ATP2C1: variants seen among roughly 807,000 people sequenced by gnomAD.
ATP2C1 encodes the protein ATPase secretory pathway Ca2+ transporting 1, also known as calcium-transporting ATPase type 2C member 1.
In ATP2C1, 31 loss-of-function variants were observed where a neutral mutation model predicts 120.5. The ratio of observed to expected loss-of-function variants is 0.26; its 90% confidence interval spans 0.19 to 0.35. The LOEUF is 0.35. Ranked by LOEUF, ATP2C1 falls within the 10% of genes least tolerant of loss-of-function variation. ATP2C1 has a pLI of 1.00. For synonymous variants in ATP2C1, 351 were observed against 358.7 expected (o/e 0.98, Z 0.24); for missense variants, 731 against 1,107.5 (o/e 0.66, Z 4.83).
At chr3:130,855,364 A>G (rs2067802790) in intron 1 of ATP2C1, among the ~76,000 whole-genome samples, 1 of 152,220 alleles carries the variant, frequency 6.6e-6, no homozygotes, top group Non-Finnish European at 1.5e-5. Context: ...AATTGAATGG[A>G]AAAAGGGGAC....
At chr3:131,006,219 C>G (rs1337758460), downstream of ATP2C1, among the ~76,000 whole-genome samples, 1 of 152,208 alleles carries the variant, frequency 6.6e-6, no homozygotes, top group Non-Finnish European at 1.5e-5. Context: ...TCAAGTGATT[C>G]TCCTGCCTCA....
Position 130,934,728 on chromosome 3 carries a change from A to G in ATP2C1, c.324+17A>G, listed in dbSNP as rs202243057. 9,861 of 1,517,710 alleles carry G rather than the reference A, an allele frequency of 6.5e-3. 158 individuals are homozygous for G. The highest frequency in any genetic ancestry group is 0.043 in the South Asian group (3,868 of 88,948). 94.0% of individuals were successfully genotyped at this position (1,517,710 alleles called of 1,614,324 possible). The stretch of plus-strand genomic sequence containing the variant: ...ATCACTGTGGTAAGAAAAAAATTAC[A>G]TATTTTTAATCTGTTGAGTAAGTGT... On this transcript the variant is annotated intron_variant, in intron 5 of 27. Coordinates refer to ENST00000510168, the MANE Select transcript of ATP2C1 (RefSeq NM_001378687.1).
At chr3:130,909,520 C>A (rs968212482) in intron 2 of ATP2C1, among the ~76,000 whole-genome samples, 1 of 152,136 alleles carries the variant, frequency 6.6e-6, no homozygotes, top group East Asian at 1.9e-4. Context: ...CATCTTAAGA[C>A]CTCATTTCCA....
intron 1 of ATP2C1, among the ~76,000 whole-genome samples, chr3:130,883,902 CTTTCTTAATTTCT>C: frequency 6.8e-6 from 1 of 147,250 alleles, no homozygotes; most frequent in Non-Finnish European, 1.5e-5. Context: ...TTTTCAATTT[CTTTCTTAATTTCT>C]TTTCTTTCTT....
intron 2 of ATP2C1, chr3:130,928,375 T>C (rs2059307411): frequency 6.6e-6 from 1 of 152,204 alleles, no homozygotes; most frequent in Admixed American, 6.5e-5. Flanking sequence ...CTCTGGAGAT[T>C]TACAGCTACT....
At chr3:130,939,980 T>C (rs1358894133) in intron 6 of ATP2C1, among the ~76,000 whole-genome samples, 1 of 152,188 alleles carries the variant, frequency 6.6e-6, no homozygotes, top group Non-Finnish European at 1.5e-5. Context: ...CTCATGGAAA[T>C]GTGGACTAAG....
At position 130,996,042 on chromosome 3, in the gene ATP2C1, G is replaced by A. The variant is rs2108914971; in HGVS notation, c.2058-1G>A. On this transcript the variant is annotated splice_acceptor_variant, in intron 22 of 27. Transcript: ENST00000510168. LOFTEE classifies it high-confidence loss of function. ...CTTCATCTTTATTTTTTAAATTTCA[G>A]GTCTGCAATCGAAGAGGGTAAAGGG... The A allele has an allele frequency of 6.4e-7, 1 of 1,565,370 alleles. No homozygotes were observed. Among genetic ancestry groups the A allele is most frequent in the Non-Finnish European group, 8.8e-7 (1 of 1,136,584 alleles).
At chr3:130,872,719 T>C (rs1239202182) in intron 1 of ATP2C1, among the ~76,000 whole-genome samples, 1 of 151,968 alleles carries the variant, frequency 6.6e-6, no homozygotes, top group East Asian at 1.9e-4. Context: ...CGAGTAGCTG[T>C]GATTACGGGC....
intron 26 of ATP2C1, among the ~76,000 whole-genome samples, chr3:131,011,428 C>G (rs539038456): frequency 6.6e-6 from 1 of 152,312 alleles, no homozygotes; most frequent in African/African-American, 2.4e-5. Context: ...AAGACAGTTT[C>G]CAAAGCCTAA....
At position 130,961,075 on chromosome 3, in the gene ATP2C1, GT is replaced by G. The variant is rs1029394746; in HGVS notation, c.899+1745del. Among the ~76,000 whole-genome samples the G allele has an allele frequency of 8.2e-4, 121 of 146,778 alleles. 1 individual carries two copies. Among genetic ancestry groups the G allele is most frequent in the African/African-American group, 1.4e-3 (56 of 40,366 alleles). ...TATTTGTGATATAGTGAAAGAATGT[GT>G]TTTTTTTTTTCTCAAGGGAGGGGGT... On this transcript the variant is annotated intron_variant, in intron 12 of 27. Coordinates refer to ENST00000510168, the MANE Select transcript of ATP2C1 (RefSeq NM_001378687.1).
chr3:130,870,730 A>C (rs2068402346), intron 1 of ATP2C1, among the ~76,000 whole-genome samples: 1 of 152,224 alleles, frequency 6.6e-6, no homozygotes, highest in African/African-American at 2.4e-5. Flanking sequence ...CTGGGTAGAT[A>C]TGCTGTGAAC....
intron 1 of ATP2C1, among the ~76,000 whole-genome samples, chr3:130,877,301 T>A (rs531634844): frequency 2.0e-5 from 3 of 152,188 alleles, no homozygotes; most frequent in Non-Finnish European, 4.4e-5. Context: ...TATCTTTCAA[T>A]TGGGGGGATT....
intron 1 of ATP2C1, among the ~76,000 whole-genome samples, chr3:130,877,312 T>C (rs1489493517): frequency 6.6e-6 from 1 of 152,196 alleles, no homozygotes; most frequent in Non-Finnish European, 1.5e-5. Flanking sequence ...TGGGGGGATT[T>C]AAAATGTTTA....
At chr3:130,947,203 T>G (rs2060190652) in intron 8 of ATP2C1, among the ~76,000 whole-genome samples, 1 of 152,130 alleles carries the variant, frequency 6.6e-6, no homozygotes, top group Non-Finnish European at 1.5e-5. Flanking sequence ...TTACGCATAC[T>G]TAACCAGCTC....
Position 130,941,545 on chromosome 3 carries a change from T to C in ATP2C1, c.423-46T>C, listed in dbSNP as rs1377493741. ...AAATAATTTTTTAAGACAAGTTGCA[T>C]GAATTTTTTTTTTTTAACCATGGTT... On this transcript the variant is annotated intron_variant, in intron 7 of 27. Transcript: ENST00000510168. 2.0e-6 allele frequency: 3 copies of C among 1,519,318 alleles called. No individual in the cohort carries two copies. In the Admixed American group the frequency reaches 5.0e-5, roughly 26 times the overall value. 94.1% of individuals were successfully genotyped at this position (1,519,318 alleles called of 1,614,324 possible).
chr3:130,957,734 A>G (rs553155706), intron 11 of ATP2C1, among the ~76,000 whole-genome samples: 2 of 152,004 alleles, frequency 1.3e-5, no homozygotes, highest in East Asian at 3.9e-4. Context: ...TGTATTTTTA[A>G]TAGGGACGGG....
At chr3:130,974,893 A>G (rs1184398744) in intron 17 of ATP2C1, among the ~76,000 whole-genome samples, 1 of 152,204 alleles carries the variant, frequency 6.6e-6, no homozygotes, top group Non-Finnish European at 1.5e-5. Flanking sequence ...ATTATTTACC[A>G]TGACAAAAAA....
intron 6 of ATP2C1, among the ~76,000 whole-genome samples, chr3:130,940,409 A>G (rs994844827): frequency 6.6e-6 from 1 of 152,194 alleles, no homozygotes; most frequent in Non-Finnish European, 1.5e-5. Flanking sequence ...TTGTACATTG[A>G]ATATTAAAAT....
chr3:130,979,789 TA>T (rs1419679696), intron 19 of ATP2C1, among the ~76,000 whole-genome samples: 1 of 152,314 alleles, frequency 6.6e-6, no homozygotes, highest in East Asian at 1.9e-4. Flanking sequence ...GACTTGTGCA[TA>T]ATTTGGCAGA....
Sources: gnomAD v4.1 joint callset for allele counts (sites outside exome capture counted in the v4.1 genomes callset) on GRCh38, gnomAD v4.1.1 for gene constraint, MANE v1.5 for transcripts, NCBI Gene and HGNC (gene_info 2026-07-23, HGNC 2026-07-21) for gene names.